LRRC71: variants seen among roughly 807,000 people sequenced by gnomAD.
LRRC71 encodes the protein leucine rich repeat containing 71.
Under a neutral mutation model 66.6 loss-of-function variants are expected in LRRC71, and 54 were observed. That is an observed-to-expected ratio of 0.81 (90% CI 0.65 to 1.02). The LOEUF (loss-of-function observed/expected upper bound fraction) is 1.02, where lower values mean the gene tolerates loss of function less well. LRRC71 is among the 50% of genes least tolerant of loss of function. The pLI is 0.00. For missense variants in LRRC71, 724 were observed against 718.0 expected (o/e 1.01, Z -0.10); for synonymous variants, 323 against 303.9 (o/e 1.06, Z -0.65).
At chr1:156,939,122 T>A in the LRRC71 span, 297 of 241,586 alleles carry the variant, frequency 1.2e-3, 2 homozygotes, top group African/African-American at 6.6e-3. Context: ...CTTGGAGCTG[T>A]TGCCTGGCGT....
chr1:156,921,050 G>A, intron 1 of LRRC71, 87 bp downstream of exon 1: 1 of 1,389,850 alleles, frequency 7.2e-7, no homozygotes, highest in Non-Finnish European at 9.5e-7. Context: ...CAAGGTTATG[G>A]CTGAACTCAT....
downstream of LRRC71, among the ~76,000 whole-genome samples, chr1:156,933,578 A>G (rs933747416): frequency 1.3e-5 from 2 of 152,258 alleles, no homozygotes; most frequent in Non-Finnish European, 2.9e-5. Flanking sequence ...AACGCTCAAC[A>G]TCTACATAGC....
chr1:156,921,512 C>A, intron 1 of LRRC71: 1 of 422,322 alleles, frequency 2.4e-6, no homozygotes, highest in Non-Finnish European at 3.2e-6. Context: ...ATCACGGGGA[C>A]AAGAACTTGC....
chr1:156,932,857 A>C lies in LRRC71; in HGVS notation c.1568A>C (p.Asn523Thr), dbSNP rs776551775. The C allele has an allele frequency of 1.0e-5, 16 of 1,607,904 alleles. No individual in the cohort carries two copies. Among genetic ancestry groups the C allele is most frequent in the African/African-American group, 1.3e-5 (1 of 74,510 alleles). ...VGLLWLSLAKNCFAPQCPAYA... is the reference protein window; with the variant it reads ...VGLLWLSLAKTCFAPQCPAYA... ...CAGCCTTCCTTTTCTTTTCAGAAAA[A>C]TTGCTTCGCCCCACAATGTCCTGCG... Residue 523 changes from asparagine to threonine, a missense_variant, in exon 15 of 15, where the codon AAT (asparagine) becomes ACT (threonine). By Grantham distance (65) the Asn-to-Thr change is moderately conservative. Coordinates refer to ENST00000337428, the MANE Select transcript of LRRC71 (RefSeq NM_144702.3).
downstream of LRRC71, among the ~76,000 whole-genome samples, chr1:156,933,397 G>A (rs150195479): frequency 1.3e-3 from 203 of 152,356 alleles, 1 homozygote; most frequent in African/African-American, 4.8e-3. Context: ...GCTTGGGAGG[G>A]AGTGGGAGCA....
intron 5 of LRRC71, 47 bp downstream of exon 5, chr1:156,925,062 G>A (rs768150024): frequency 1.6e-5 from 24 of 1,540,082 alleles, no homozygotes; most frequent in Admixed American, 5.9e-5. Flanking sequence ...CTGGCTGGGC[G>A]GGTGGTCAGA....
chr1:156,933,386 A>T (rs1654660929), downstream of LRRC71, among the ~76,000 whole-genome samples: 3 of 152,206 alleles, frequency 2.0e-5, no homozygotes, highest in Admixed American at 2.0e-4. Flanking sequence ...GACACACATA[A>T]GCTTGGGAGG....
chr1:156,930,539 C>T lies in LRRC71; in HGVS notation c.1251C>T (p.Ile417=), dbSNP rs1488080755. The change falls in exon 12 of 15, where the codon ATC becomes ATT. Residue 417 remains isoleucine, a synonymous_variant. Transcript: ENST00000337428. Reference sequence around the variant, plus strand: ...CTCTTCTGGCCCCAGAGGTAACCATCCCTGAACAGAAGCCAAGCAGGGCAA... The same window carrying T: ...CTCTTCTGGCCCCAGAGGTAACCATTCCTGAACAGAAGCCAAGCAGGGCAA... ...ATKAGKGKVT[I]PEQKPSRAKG... is the part of the protein sequence containing the mutation. The T allele has an allele frequency of 1.3e-6, 2 of 1,563,304 alleles. No homozygotes were observed. The highest frequency in any genetic ancestry group is 1.4e-5 in the African/African-American group (1 of 73,668).
In LRRC71 at chr1:156,932,782, ATTTTT is replaced by A. The variant is rs11415803; in HGVS notation, c.1564-64_1564-60del. ...CCCTAACCCACCCTGCCCCAGGACC[ATTTTT>A]TTTTTTCTGCCAGAGGACTAATCTT... is the stretch of plus-strand genomic sequence containing the variant. On this transcript the variant is annotated intron_variant, in intron 14 of 14. Coordinates refer to ENST00000337428, the MANE Select transcript of LRRC71 (RefSeq NM_144702.3). 3 of 1,179,974 alleles carry A rather than the reference ATTTTT, an allele frequency of 2.5e-6. No individual in the cohort carries two copies. In the Admixed American group the frequency reaches 7.3e-5, roughly 29 times the overall value. 73.1% of individuals were successfully genotyped at this position (1,179,974 alleles called of 1,614,324 possible). A position where few individuals can be genotyped will look rare whatever the true frequency, so the allele number is the denominator to read the frequency against.
downstream of LRRC71, among the ~76,000 whole-genome samples, chr1:156,934,367 G>A (rs889954761): frequency 1.3e-5 from 2 of 152,162 alleles, no homozygotes; most frequent in South Asian, 2.1e-4. Flanking sequence ...ATGTGGCTGC[G>A]TCTGTGGGAG....
chr1:156,940,179 GC>G, the LRRC71 span: 16 of 1,541,618 alleles, frequency 1.0e-5, no homozygotes, highest in Non-Finnish European at 1.3e-5. Flanking sequence ...GGGACCAGGG[GC>G]TGACGGCAGG....
chr1:156,927,422 C>T (rs1246501795), intron 6 of LRRC71, 74 bp from the exon 7 acceptor site: 6 of 1,517,694 alleles, frequency 4.0e-6, no homozygotes, highest in Non-Finnish European at 5.3e-6. Context: ...CCCTCAAGCG[C>T]TCAAGTCTCC....
In LRRC71 at chr1:156,932,003, G is replaced by A. The variant is rs756272118; in HGVS notation, c.1417G>A (p.Val473Ile). The A allele has an allele frequency of 6.3e-6, 10 of 1,598,106 alleles. No homozygotes were observed. The highest frequency in any genetic ancestry group is 8.5e-6 in the Non-Finnish European group (10 of 1,172,054). The change falls in exon 13 of 15, where the codon GTC becomes ATC. Residue 473 changes from valine to isoleucine, a missense_variant. By Grantham distance (29) the Val-to-Ile change is conservative. Coordinates refer to ENST00000337428, the MANE Select transcript of LRRC71 (RefSeq NM_144702.3). ...DGKVFMPGNK[V>I]LLHLNLIRNR... is the part of the protein sequence containing the mutation. ...GAAAGTTTTCATGCCTGGGAACAAG[G>A]TCCTTTTGCACCTCAACCTCATCCG...
chr1:156,937,319 A>G, downstream of LRRC71: 1 of 1,613,942 alleles, frequency 6.2e-7, no homozygotes, highest in Non-Finnish European at 8.5e-7. Context: ...CCTGAGGGCC[A>G]GGCTTGGAGG....
intron 3 of LRRC71, 35 bp downstream of exon 3, chr1:156,924,587 TCC>T: frequency 9.9e-7 from 1 of 1,006,590 alleles, no homozygotes; most frequent in South Asian, 1.3e-5. Flanking sequence ...CCCAGCTCCC[TCC>T]CGCTCCCCTG....
chr1:156,929,076 C>T (rs2101640178), intron 9 of LRRC71, among the ~76,000 whole-genome samples: 1 of 152,128 alleles, frequency 6.6e-6, no homozygotes, highest in East Asian at 1.9e-4. Context: ...CTCACCCCAC[C>T]CAGGTCCCTC....
downstream of LRRC71, among the ~76,000 whole-genome samples, chr1:156,936,497 A>AATATATATATATATATATAT (rs1553192804): frequency 1.5e-4 from 5 of 33,934 alleles, no homozygotes; most frequent in African/African-American, 3.1e-4. Context: ...AAAAAAAAAA[A>AATATATATATATATATATAT]ATATATATAT....
chr1:156,937,637 G>T, downstream of LRRC71: 1 of 873,956 alleles, frequency 1.1e-6, no homozygotes, highest in Non-Finnish European at 1.7e-6. Context: ...CGTGGGCCTT[G>T]CTCACTGTCT....
intron 11 of LRRC71, among the ~76,000 whole-genome samples, chr1:156,930,044 C>CTCTTTCTTTCTTTCTTTCTTTCTTTT (rs5778011): frequency 2.2e-3 from 276 of 127,952 alleles, no homozygotes; most frequent in African/African-American, 7.8e-3. Flanking sequence ...TTCTTTCTTT[C>CTCTTTCTTTCTTTCTTTCTTTCTTTT]TCTTTCTTTC....
Sources: allele counts gnomAD v4.1 joint callset (sites outside exome capture counted in the v4.1 genomes callset), GRCh38; gene constraint gnomAD v4.1.1; transcripts MANE v1.5; gene names NCBI Gene and HGNC (gene_info 2026-07-23, HGNC 2026-07-21).